The following CACNA2D3 variants were observed in gnomAD, a reference collection of about 807,000 sequenced individuals.
CACNA2D3 encodes voltage-dependent calcium channel subunit alpha-2/delta-3.
Under a neutral mutation model 160.6 loss-of-function variants are expected in CACNA2D3, and 60 were observed. The ratio of observed to expected loss-of-function variants is 0.37; its 90% CI spans 0.30 to 0.46. CACNA2D3 has a LOEUF of 0.46. CACNA2D3 is among the 20% of genes least tolerant of loss of function. The pLI is 1.00. For missense variants in CACNA2D3, 1,205 were observed against 1,365.0 expected (o/e 0.88, Z 1.85); for synonymous variants, 558 against 492.9 (o/e 1.13, Z -1.75).
At chr3:54,687,370 C>G (rs1246543655) in intron 11 of CACNA2D3, among the ~76,000 whole-genome samples, 1 of 146,892 alleles carries the variant, frequency 6.8e-6, no homozygotes. Flanking sequence ...CCAGGATGGT[C>G]TAGACTCCTG....
At chr3:54,552,038 A>T (rs1054865849) in intron 5 of CACNA2D3, among the ~76,000 whole-genome samples, 8 of 152,206 alleles carry the variant, frequency 5.3e-5, no homozygotes, top group Admixed American at 6.5e-5. Context: ...GCCTCTTGGA[A>T]TGTGCCTAAG....
At chr3:54,961,046 T>C (rs1430367769) in intron 27 of CACNA2D3, among the ~76,000 whole-genome samples, 4 of 152,234 alleles carry the variant, frequency 2.6e-5, no homozygotes, top group African/African-American at 9.6e-5. Context: ...TTAGTTCTAC[T>C]TGCAGTTAAC....
At chr3:54,424,983 C>G (rs1699891651) in intron 4 of CACNA2D3, among the ~76,000 whole-genome samples, 2 of 152,226 alleles carry the variant, frequency 1.3e-5, no homozygotes, top group African/African-American at 4.8e-5. Flanking sequence ...GACCCCTGAC[C>G]TGTTCTGTCT....
rs370732556 is a variant in CACNA2D3, at chr3:54,891,388, C to T, written c.2184C>T (p.Leu728=). 2.2e-4 allele frequency: 361 copies of T among 1,613,902 alleles called. 3 individuals are homozygous for T. In the South Asian group the frequency reaches 3.8e-3, roughly 17 times the overall value. Residue 728 remains leucine, a synonymous_variant, in exon 25 of 38, where the codon CTC becomes CTT. Transcript: ENST00000474759. ...ACAAGGGCGTGGAGGTTGCCTTCCT[C>T]GGCACTCGCACGGGCCTCTCCAGAA... The part of the protein sequence containing the change: ...NSDKGVEVAF[L]GTRTGLSRIN...
intron 8 of CACNA2D3, 40 bp downstream of exon 8, chr3:54,570,144 A>G (rs374837722): frequency 5.1e-5 from 81 of 1,599,696 alleles, no homozygotes; most frequent in Non-Finnish European, 6.8e-5. Context: ...ACTTGGGTTC[A>G]TTTGATCTTT....
intron 3 of CACNA2D3, among the ~76,000 whole-genome samples, chr3:54,355,414 C>G (rs908271090): frequency 6.6e-6 from 1 of 152,140 alleles, no homozygotes; most frequent in Non-Finnish European, 1.5e-5. Flanking sequence ...GGGTCTCTGG[C>G]AGTCATCAGT....
chr3:54,653,072 C>T (rs978911788), intron 11 of CACNA2D3, among the ~76,000 whole-genome samples: 6 of 152,142 alleles, frequency 3.9e-5, no homozygotes, highest in East Asian at 3.9e-4. Context: ...CATGAGCCAC[C>T]GTGCCGGACA....
At chr3:54,832,697 A>G (rs570249061) in intron 14 of CACNA2D3, among the ~76,000 whole-genome samples, 3 of 152,360 alleles carry the variant, frequency 2.0e-5, no homozygotes, top group African/African-American at 7.2e-5. Context: ...AATGAGAGCC[A>G]GCATGCCATT....
intron 9 of CACNA2D3, among the ~76,000 whole-genome samples, chr3:54,591,604 C>A (rs1702862308): frequency 7.6e-6 from 1 of 131,190 alleles, no homozygotes; most frequent in African/African-American, 3.0e-5. Flanking sequence ...ACTAGAACAT[C>A]CACAAAACAC....
intron 35 of CACNA2D3, among the ~76,000 whole-genome samples, chr3:55,051,382 C>G (rs920083224): frequency 2.2e-5 from 3 of 134,874 alleles, no homozygotes; most frequent in African/African-American, 1.1e-4. Flanking sequence ...GTCAGTGTGC[C>G]CCTGCTGGGG....
At chr3:54,447,890 A>G (rs977644757) in intron 4 of CACNA2D3, among the ~76,000 whole-genome samples, 14 of 152,202 alleles carry the variant, frequency 9.2e-5, no homozygotes, top group African/African-American at 2.9e-4. Flanking sequence ...ATGTTCTTCA[A>G]TAATACTTTG....
intron 13 of CACNA2D3, among the ~76,000 whole-genome samples, chr3:54,783,335 G>A (rs1702569336): frequency 6.6e-6 from 1 of 152,144 alleles, no homozygotes; most frequent in South Asian, 2.1e-4. Flanking sequence ...GCCGGGCACG[G>A]TGGCTCACAC....
intron 11 of CACNA2D3, among the ~76,000 whole-genome samples, chr3:54,666,688 C>A (rs1321592123): frequency 6.6e-6 from 1 of 152,126 alleles, no homozygotes; most frequent in Non-Finnish European, 1.5e-5. Context: ...CCAACTTGTC[C>A]TTTAAAATAT....
At chr3:54,767,411 C>A (rs568375531) in intron 13 of CACNA2D3, among the ~76,000 whole-genome samples, 43 of 152,252 alleles carry the variant, frequency 2.8e-4, no homozygotes, top group African/African-American at 1.0e-3. Flanking sequence ...AATATGGTTA[C>A]AGCAATTCTG....
intron 15 of CACNA2D3, 27 bp from the exon 16 acceptor site, chr3:54,838,541 T>C (rs1324881536): frequency 1.9e-6 from 3 of 1,568,608 alleles, no homozygotes; most frequent in East Asian, 2.2e-5. Flanking sequence ...CTTACTGTTA[T>C]TATAATTCAA....
chr3:54,749,371 TGAA>T (rs1265284693), intron 11 of CACNA2D3, among the ~76,000 whole-genome samples: 3 of 152,206 alleles, frequency 2.0e-5, no homozygotes, highest in Admixed American at 2.0e-4. Context: ...TTACAAGTAA[TGAA>T]GGTGAACATC....
chr3:54,922,394 A>T (rs1018276062), intron 27 of CACNA2D3, among the ~76,000 whole-genome samples: 4 of 151,100 alleles, frequency 2.6e-5, no homozygotes, highest in African/African-American at 9.8e-5. Flanking sequence ...GCCTGTGCTT[A>T]CAATTTAATC....
At chr3:54,371,809 A>G (rs981997752) in intron 3 of CACNA2D3, among the ~76,000 whole-genome samples, 4 of 152,228 alleles carry the variant, frequency 2.6e-5, no homozygotes, top group African/African-American at 9.6e-5. Flanking sequence ...TGATATCTTC[A>G]ATTTTGAAGT....
chr3:54,631,779 T>A (rs1026755331), intron 10 of CACNA2D3, among the ~76,000 whole-genome samples: 1 of 152,270 alleles, frequency 6.6e-6, no homozygotes, highest in Non-Finnish European at 1.5e-5. Flanking sequence ...CATTAGATTC[T>A]GTAAGAACAC....
Sources: allele counts gnomAD v4.1 joint callset (sites outside exome capture counted in the v4.1 genomes callset), GRCh38; gene constraint gnomAD v4.1.1; transcripts MANE v1.5; gene names NCBI Gene and HGNC (gene_info 2026-07-23, HGNC 2026-07-21).